LRMDA: variants seen among roughly 807,000 people sequenced by gnomAD.
The protein encoded by LRMDA is leucine rich melanocyte differentiation associated.
A neutral mutation model predicts 29.8 loss-of-function variants in LRMDA; 18 were observed. The ratio of observed to expected loss-of-function variants is 0.60; its 90% confidence interval spans 0.42 to 0.90. LRMDA has a LOEUF of 0.90. LRMDA is among the 40% of genes least tolerant of loss of function. The pLI is 0.00. For missense variants in LRMDA, 273 were observed against 273.9 expected (o/e 1.00, Z 0.02); for synonymous variants, 125 against 109.4 (o/e 1.14, Z -0.89).
rs71024579 is a variant in LRMDA, at chr10:75,915,120, C to CTTTTTT, written c.132-120864_132-120859dup. 3.5e-3 allele frequency among the ~76,000 whole-genome samples: 262 copies of CTTTTTT among 75,250 alleles called. 19 individuals carry two copies. Among genetic ancestry groups the CTTTTTT allele is most frequent in the East Asian group, 9.4e-3 (22 of 2,350 alleles). The allele number at this position is 75,250 out of a possible 152,430, so 49.4% of individuals were successfully genotyped here. On this transcript the variant is annotated intron_variant, in intron 2 of 6. Transcript: ENST00000611255. ...CTTAGAAATTCTCATGTCTAACCTT[C>CTTTTTT]TTTTTTTTTTTTTTTTTTTTTTTTT...
intron 2 of LRMDA, among the ~76,000 whole-genome samples, chr10:75,689,762 G>A (rs1842122442): frequency 6.6e-6 from 1 of 152,206 alleles, no homozygotes; most frequent in Non-Finnish European, 1.5e-5. Context: ...CAAGACGAGA[G>A]GTTTTCCAGT....
At chr10:75,881,471 CCTTTGCAAATCT>C (rs1845291648) in intron 2 of LRMDA, among the ~76,000 whole-genome samples, 40 of 152,170 alleles carry the variant, frequency 2.6e-4, no homozygotes, top group Admixed American at 2.6e-3. Flanking sequence ...GAGGCTACTC[CCTTTGCAAATCT>C]CTCCCCCCCA....
At chr10:76,059,442 A>C (rs3943749) in intron 5 of LRMDA, among the ~76,000 whole-genome samples, 56,172 of 152,042 alleles carry the variant, frequency 0.37, 11,501 homozygotes, top group Non-Finnish European at 0.45. Context: ...GGATTCAGAC[A>C]CAAGGAGATT....
At chr10:75,455,884 G>C (rs543795513) in intron 2 of LRMDA, among the ~76,000 whole-genome samples, 78 of 152,308 alleles carry the variant, frequency 5.1e-4, no homozygotes, top group African/African-American at 1.9e-3. Context: ...TACAACATCA[G>C]GGCTTTGGGG....
intron 5 of LRMDA, among the ~76,000 whole-genome samples, chr10:76,174,225 A>G (rs1029575646): frequency 6.6e-6 from 1 of 152,204 alleles, no homozygotes; most frequent in African/African-American, 2.4e-5. Context: ...TTCACATTGC[A>G]TGCCTGTATC....
chr10:76,038,998 G>A (rs1848298682), intron 3 of LRMDA, among the ~76,000 whole-genome samples: 2 of 152,166 alleles, frequency 1.3e-5, no homozygotes, highest in Admixed American at 6.5e-5. Flanking sequence ...CTGGAGGTTG[G>A]TACTGGGTGT....
chr10:75,439,170 G>C (rs1844297851), intron 2 of LRMDA, among the ~76,000 whole-genome samples: 1 of 152,160 alleles, frequency 6.6e-6, no homozygotes, highest in Non-Finnish European at 1.5e-5. Flanking sequence ...TATGCCTTGC[G>C]CCTGGTTTGG....
chr10:76,452,690 A>G (rs1332715167), intron 6 of LRMDA, among the ~76,000 whole-genome samples: 1 of 152,212 alleles, frequency 6.6e-6, no homozygotes, highest in Non-Finnish European at 1.5e-5. Flanking sequence ...GGATTTAATT[A>G]AAGTGTTATT....
At chr10:76,036,859 G>A (rs1257524132) in intron 3 of LRMDA, among the ~76,000 whole-genome samples, 1 of 152,168 alleles carries the variant, frequency 6.6e-6, no homozygotes, top group Admixed American at 6.5e-5. Flanking sequence ...CATTGTTAGT[G>A]TAGTGGATTA....
At chr10:76,480,809 C>T (rs1037852123) in intron 6 of LRMDA, among the ~76,000 whole-genome samples, 1 of 151,914 alleles carries the variant, frequency 6.6e-6, no homozygotes, top group Non-Finnish European at 1.5e-5. Context: ...TTCAAAAGGA[C>T]TTCAACTTAG....
chr10:75,584,434 A>G (rs1483721740), intron 2 of LRMDA, among the ~76,000 whole-genome samples: 1 of 152,092 alleles, frequency 6.6e-6, no homozygotes, highest in Non-Finnish European at 1.5e-5. Flanking sequence ...TAACATGACC[A>G]CCTTCAGGAA....
At chr10:75,528,867 C>T (rs555070563) in intron 2 of LRMDA, among the ~76,000 whole-genome samples, 1 of 152,098 alleles carries the variant, frequency 6.6e-6, no homozygotes, top group East Asian at 1.9e-4. Context: ...AGCACTGAAA[C>T]AAGAACAGAA....
intron 5 of LRMDA, among the ~76,000 whole-genome samples, chr10:76,092,039 C>A (rs986265497): frequency 6.6e-6 from 1 of 152,070 alleles, no homozygotes; most frequent in Non-Finnish European, 1.5e-5. Context: ...AGCCAAGTAA[C>A]CCTAGGGCAT....
chr10:76,146,078 T>C (rs936857871), intron 5 of LRMDA, among the ~76,000 whole-genome samples: 11 of 152,080 alleles, frequency 7.2e-5, no homozygotes, highest in African/African-American at 1.9e-4. Flanking sequence ...ATTTCTGTTC[T>C]TTTACATTTG....
chr10:76,055,945 G>T (rs535162220), intron 4 of LRMDA, among the ~76,000 whole-genome samples: 2 of 152,232 alleles, frequency 1.3e-5, no homozygotes, highest in Non-Finnish European at 2.9e-5. Flanking sequence ...TGTGGCGAGT[G>T]GGGGGACATG....
intron 2 of LRMDA, among the ~76,000 whole-genome samples, chr10:75,698,663 CT>C (rs551699732): frequency 0.022 from 2,806 of 130,368 alleles, 75 homozygotes; most frequent in African/African-American, 0.06. Flanking sequence ...ACCTTCACCT[CT>C]TTTTTTTTTT....
At chr10:75,904,514 G>A (rs1039186932) in intron 2 of LRMDA, among the ~76,000 whole-genome samples, 4 of 152,160 alleles carry the variant, frequency 2.6e-5, no homozygotes, top group Non-Finnish European at 4.4e-5. Flanking sequence ...TTGACAGTAT[G>A]TTACGACAGT....
At position 75,499,908 on chromosome 10, in the gene LRMDA, G is replaced by A. The variant is rs533715145; in HGVS notation, c.131+61414G>A. Reference sequence around the variant, plus strand: ...TTGGTTCCTTCCCCTTCTGAGCTCCGGCCTGATTCAATGAAAAGATAGTTG... The same window carrying A: ...TTGGTTCCTTCCCCTTCTGAGCTCCAGCCTGATTCAATGAAAAGATAGTTG... On this transcript the variant is annotated intron_variant, in intron 2 of 6. Coordinates refer to ENST00000611255, the MANE Select transcript of LRMDA (RefSeq NM_001305581.2). Among the ~76,000 whole-genome samples, 170 of 152,178 alleles carry A rather than the reference G, an allele frequency of 1.1e-3. 1 individual carries two copies. The highest frequency in any genetic ancestry group is 3.0e-3 in the Admixed American group (46 of 15,294).
chr10:75,786,484 T>C (rs1843474435), intron 2 of LRMDA, among the ~76,000 whole-genome samples: 2 of 152,222 alleles, frequency 1.3e-5, no homozygotes, highest in Non-Finnish European at 2.9e-5. Context: ...TTCTTCTCTT[T>C]ACTGTTTTTA....
Sources: allele counts gnomAD v4.1 joint callset (sites outside exome capture counted in the v4.1 genomes callset), GRCh38; gene constraint gnomAD v4.1.1; transcripts MANE v1.5; gene names NCBI Gene and HGNC (gene_info 2026-07-23, HGNC 2026-07-21).